Variants in GRIN2B observed in about 807,000 individuals in gnomAD.
The protein encoded by GRIN2B is glutamate ionotropic receptor NMDA type subunit 2B.
In GRIN2B, 5 loss-of-function variants were observed where a neutral mutation model predicts 114.5. The ratio of observed to expected loss-of-function variants is 0.04; its 90% CI spans 0.02 to 0.09. GRIN2B has a LOEUF of 0.09. Among genes scored for constraint, GRIN2B ranks in the 10% least tolerant of loss-of-function variants. GRIN2B has a pLI of 1.00. For missense variants in GRIN2B, 1,108 were observed against 1,943.5 expected, an observed-to-expected ratio of 0.57 and a Z score of 8.08; for synonymous variants, 787 against 745.1, an observed-to-expected ratio of 1.06 and a Z score of -0.92.
intron 3 of GRIN2B, among the ~76,000 whole-genome samples, chr12:13,840,982 A>T (rs948624170): frequency 6.6e-6 from 1 of 152,236 alleles, no homozygotes; most frequent in Admixed American, 6.5e-5. Context: ...CCATGTGTTT[A>T]TTAAGTAATC....
chr12:13,718,698 G>C (rs962518953), intron 4 of GRIN2B, among the ~76,000 whole-genome samples: 1 of 151,958 alleles, frequency 6.6e-6, no homozygotes, highest in South Asian at 2.1e-4. Context: ...TGATATCCCT[G>C]GTGGGCAAAC....
chr12:13,717,363 C>A (rs1392107075), intron 4 of GRIN2B, among the ~76,000 whole-genome samples: 1 of 151,916 alleles, frequency 6.6e-6, no homozygotes, highest in Non-Finnish European at 1.5e-5. Context: ...AAGAAAAGAT[C>A]ATTAGAATTA....
intron 3 of GRIN2B, among the ~76,000 whole-genome samples, chr12:13,813,057 A>G (rs1281680414): frequency 6.7e-6 from 1 of 149,322 alleles, no homozygotes; most frequent in Non-Finnish European, 1.5e-5. Flanking sequence ...CTTCTGCCTC[A>G]GCCTCCCAAC....
intron 3 of GRIN2B, among the ~76,000 whole-genome samples, chr12:13,806,310 C>T (rs1480445005): frequency 2.6e-5 from 4 of 152,026 alleles, no homozygotes; most frequent in African/African-American, 7.2e-5. Context: ...AATTGTTTTC[C>T]ATAATGATTT....
In GRIN2B at chr12:13,865,828, G is replaced by A. The variant is rs200608452; in HGVS notation, c.381C>T (p.His127=). 22 of 1,613,978 alleles carry A rather than the reference G, an allele frequency of 1.4e-5. No homozygotes were observed. The highest frequency in any genetic ancestry group is 6.7e-5 in the East Asian group (3 of 44,876). Residue 127 remains histidine (H), a synonymous_variant, in exon 3 of 14, where the codon CAC becomes CAT. Coordinates refer to ENST00000609686, the MANE Select transcript of GRIN2B (RefSeq NM_000834.5). ...AQTLTPILGI[H]GGSSMIMADK... ...CTGCCATTATCATAGAGGAGCCCCC[G>A]TGGATGCCCAGGATGGGGGTGAGAG...
intron 2 of GRIN2B, among the ~76,000 whole-genome samples, chr12:13,908,130 C>A (rs922603717): frequency 6.6e-6 from 1 of 151,862 alleles, no homozygotes; most frequent in African/African-American, 2.4e-5. Flanking sequence ...ATATCTATGC[C>A]ATTCAAGTTA....
At chr12:13,867,237 C>T (rs1420115590) in intron 2 of GRIN2B, among the ~76,000 whole-genome samples, 5 of 152,082 alleles carry the variant, frequency 3.3e-5, no homozygotes, top group Admixed American at 3.3e-4. Flanking sequence ...ACCGTATTTT[C>T]ATATAATTTG....
intron 4 of GRIN2B, among the ~76,000 whole-genome samples, chr12:13,749,407 A>C (rs1863441266): frequency 6.6e-6 from 1 of 152,204 alleles, no homozygotes; most frequent in Non-Finnish European, 1.5e-5. Context: ...CCTTTTCAGA[A>C]GGTGAGAGGA....
At chr12:13,968,912 T>G (rs556960226) in intron 2 of GRIN2B, among the ~76,000 whole-genome samples, 1 of 152,326 alleles carries the variant, frequency 6.6e-6, no homozygotes, top group South Asian at 2.1e-4. Context: ...AAGAAATAGA[T>G]GCAAGAAAAT....
At chr12:13,573,786 T>G (rs1201083639) in intron 10 of GRIN2B, among the ~76,000 whole-genome samples, 1 of 152,090 alleles carries the variant, frequency 6.6e-6, no homozygotes, top group Non-Finnish European at 1.5e-5. Context: ...AATATGGGAG[T>G]TCCATGGGCC....
At chr12:13,852,871 A>G (rs1487628892) in intron 3 of GRIN2B, among the ~76,000 whole-genome samples, 2 of 152,114 alleles carry the variant, frequency 1.3e-5, no homozygotes, top group Non-Finnish European at 2.9e-5. Flanking sequence ...TACACCCAGA[A>G]TGAATAAAAA....
At chr12:13,705,930 C>T (rs912208861) in intron 4 of GRIN2B, among the ~76,000 whole-genome samples, 1 of 152,140 alleles carries the variant, frequency 6.6e-6, no homozygotes, top group African/African-American at 2.4e-5. Flanking sequence ...ATTTGCTATC[C>T]ATGCCCACAG....
intron 5 of GRIN2B, among the ~76,000 whole-genome samples, chr12:13,642,189 AAAACAAACAAACAAAC>A (rs35583863): frequency 4.0e-5 from 6 of 149,650 alleles, no homozygotes; most frequent in Non-Finnish European, 5.9e-5. Context: ...ACTCTGTCTC[AAAACAAACAAACAAAC>A]AAACAAACAA....
At chr12:13,672,453 T>G (rs1950030855) in intron 5 of GRIN2B, among the ~76,000 whole-genome samples, 1 of 152,150 alleles carries the variant, frequency 6.6e-6, no homozygotes, top group African/African-American at 2.4e-5. Flanking sequence ...GGGGACTTTC[T>G]GAAGCAGCAT....
At chr12:13,930,194 GATAA>G (rs1250384346) in intron 2 of GRIN2B, among the ~76,000 whole-genome samples, 4 of 152,006 alleles carry the variant, frequency 2.6e-5, no homozygotes, top group African/African-American at 4.8e-5. Flanking sequence ...ACAATAAATA[GATAA>G]ATAAATAAAT....
At chr12:13,828,944 T>G (rs1031577244) in intron 3 of GRIN2B, among the ~76,000 whole-genome samples, 4 of 152,236 alleles carry the variant, frequency 2.6e-5, no homozygotes, top group Non-Finnish European at 5.9e-5. Context: ...TGTCTTTTTT[T>G]CTGACCTTGA....
intron 2 of GRIN2B, among the ~76,000 whole-genome samples, chr12:13,871,763 A>G (rs1865912640): frequency 6.6e-6 from 1 of 151,990 alleles, no homozygotes; most frequent in African/African-American, 2.4e-5. Context: ...AGAGAAAATA[A>G]CATATATAAT....
At chr12:13,628,037 T>G (rs184307972) in intron 5 of GRIN2B, among the ~76,000 whole-genome samples, 2 of 152,328 alleles carry the variant, frequency 1.3e-5, no homozygotes, top group African/African-American at 4.8e-5. Context: ...ACCAAAGGCT[T>G]TGTTTTTTAC....
At chr12:13,803,778 C>A (rs576394719) in intron 3 of GRIN2B, among the ~76,000 whole-genome samples, 3 of 152,180 alleles carry the variant, frequency 2.0e-5, no homozygotes, top group Non-Finnish European at 4.4e-5. Flanking sequence ...CAACGGAGAG[C>A]CAAAAATGAA....
Sources: gnomAD v4.1 joint callset for allele counts (sites outside exome capture counted in the v4.1 genomes callset) on GRCh38, gnomAD v4.1.1 for gene constraint, MANE v1.5 for transcripts, NCBI Gene and HGNC (gene_info 2026-07-23, HGNC 2026-07-21) for gene names.